PTPRK: variants seen among roughly 807,000 people sequenced by gnomAD.
The protein encoded by PTPRK is protein tyrosine phosphatase receptor type K.
In PTPRK, 75 loss-of-function variants were observed where a neutral mutation model predicts 178.0. The observed-to-expected ratio is 0.42, with a 90% CI of 0.35 to 0.51. The LOEUF (loss-of-function observed/expected upper bound fraction) is 0.51. Ranked by LOEUF, PTPRK falls within the 20% of genes least tolerant of loss-of-function variation. PTPRK has a pLI of 0.02. For synonymous variants in PTPRK, 637 were observed against 620.6 expected (o/e 1.03, Z -0.39); for missense variants, 1,441 against 1,797.8 (o/e 0.80, Z 3.59).
intron 14 of PTPRK, among the ~76,000 whole-genome samples, chr6:128,008,855 C>T (rs1048072417): frequency 7.3e-5 from 11 of 151,040 alleles, no homozygotes; most frequent in African/African-American, 2.7e-4. Flanking sequence ...TAAATGATCT[C>T]AAGTACCTTT....
At chr6:127,993,516 G>A (rs192566856) in intron 18 of PTPRK, among the ~76,000 whole-genome samples, 1 of 151,678 alleles carries the variant, frequency 6.6e-6, no homozygotes, top group Admixed American at 6.6e-5. Flanking sequence ...ATGAGCCTTA[G>A]TAAAAGTCTG....
intron 2 of PTPRK, among the ~76,000 whole-genome samples, chr6:128,329,243 A>G (rs1829961919): frequency 1.3e-5 from 2 of 152,174 alleles, no homozygotes; most frequent in South Asian, 4.1e-4. Context: ...GATGTACTCT[A>G]TAAAATCAGT....
intron 7 of PTPRK, among the ~76,000 whole-genome samples, chr6:128,149,542 A>T (rs1796977549): frequency 6.6e-6 from 1 of 152,172 alleles, no homozygotes; most frequent in Non-Finnish European, 1.5e-5. Flanking sequence ...GTTCTAATCT[A>T]GTAGTCACTG....
intron 7 of PTPRK, among the ~76,000 whole-genome samples, chr6:128,110,689 C>A (rs1179622441): frequency 6.6e-6 from 1 of 151,982 alleles, no homozygotes; most frequent in East Asian, 1.9e-4. Flanking sequence ...ACAGTACTGT[C>A]TGAGCTTGAT....
chr6:128,267,442 G>C (rs1006496151), intron 3 of PTPRK, among the ~76,000 whole-genome samples: 1 of 151,952 alleles, frequency 6.6e-6, no homozygotes, highest in African/African-American at 2.4e-5. Flanking sequence ...TAAAAATAGA[G>C]AATAAAAACA....
chr6:128,051,625 G>A (rs192490108), intron 13 of PTPRK, among the ~76,000 whole-genome samples: 7 of 152,104 alleles, frequency 4.6e-5, no homozygotes, highest in Admixed American at 1.3e-4. Flanking sequence ...CTTTCGATCC[G>A]GTTGCTTCTA....
intron 2 of PTPRK, among the ~76,000 whole-genome samples, chr6:128,358,879 G>A (rs752406007): frequency 1.4e-4 from 21 of 152,222 alleles, no homozygotes; most frequent in Non-Finnish European, 2.8e-4. Context: ...CAGTTAGGAA[G>A]AGCAGCTCCT....
intron 5 of PTPRK, among the ~76,000 whole-genome samples, chr6:128,228,293 CAG>C (rs1244408048): frequency 6.6e-6 from 1 of 151,674 alleles, no homozygotes; most frequent in Non-Finnish European, 1.5e-5. Context: ...AAAGATCAAA[CAG>C]AGAAAACAGA....
intron 7 of PTPRK, among the ~76,000 whole-genome samples, chr6:128,176,712 TC>T (rs1801134376): frequency 6.6e-6 from 1 of 151,724 alleles, no homozygotes; most frequent in African/African-American, 2.4e-5. Flanking sequence ...AGAGTTATCC[TC>T]CAGCAATTAT....
chr6:128,207,051 T>C (rs1807108790), intron 6 of PTPRK, among the ~76,000 whole-genome samples: 1 of 152,152 alleles, frequency 6.6e-6, no homozygotes, highest in Non-Finnish European at 1.5e-5. Flanking sequence ...AACCCTTTGG[T>C]TGCAAATCAG....
intron 2 of PTPRK, among the ~76,000 whole-genome samples, chr6:128,352,263 A>AAG (rs1307342865): frequency 6.6e-6 from 1 of 151,278 alleles, no homozygotes; most frequent in African/African-American, 2.4e-5. Context: ...CAAAAAAAAA[A>AAG]AAAAAAAAGA....
chr6:128,382,205 A>G (rs1416295604), intron 2 of PTPRK, among the ~76,000 whole-genome samples: 5 of 150,754 alleles, frequency 3.3e-5, no homozygotes, highest in African/African-American at 1.2e-4. Context: ...TGTTGAAAGT[A>G]TTATAATGGT....
intron 2 of PTPRK, among the ~76,000 whole-genome samples, chr6:128,340,098 G>C (rs929061594): frequency 2.0e-5 from 3 of 152,168 alleles, no homozygotes; most frequent in Non-Finnish European, 4.4e-5. Flanking sequence ...GAAATCTAAG[G>C]ATCTGATTCT....
intron 7 of PTPRK, among the ~76,000 whole-genome samples, chr6:128,144,437 G>A (rs1009071741): frequency 6.6e-6 from 1 of 152,136 alleles, no homozygotes; most frequent in African/African-American, 2.4e-5. Flanking sequence ...CCCATGGCAG[G>A]TCTAATGCAT....
At chr6:128,516,725 A>G (rs1303752927) in intron 1 of PTPRK, among the ~76,000 whole-genome samples, 1 of 152,166 alleles carries the variant, frequency 6.6e-6, no homozygotes, top group East Asian at 1.9e-4. Context: ...CCAGGCTCCT[A>G]TCATACAAGA....
intron 12 of PTPRK, among the ~76,000 whole-genome samples, chr6:128,065,883 T>C (rs1401708140): frequency 6.6e-6 from 1 of 152,208 alleles, no homozygotes; most frequent in African/African-American, 2.4e-5. Context: ...CAATCTCTAC[T>C]TGTAGAAGTC....
rs1274200758 is a variant in PTPRK at position 128,019,134 on chromosome 6, CAA to C, written c.2195-9868_2195-9867del. Among the ~76,000 whole-genome samples the C allele has an allele frequency of 5.3e-4, 80 of 151,982 alleles. 4 individuals carry two copies. On this transcript the variant is annotated intron_variant, in intron 13 of 29. Coordinates refer to ENST00000368226, the MANE Select transcript of PTPRK (RefSeq NM_002844.4). ...TAAAACATTTCTTAGAATCATTCAACAAAAAAAGTCCAACTCCAGTTTTCAAA... is the reference window on the plus strand; with the variant it reads ...TAAAACATTTCTTAGAATCATTCAACAAAAAGTCCAACTCCAGTTTTCAAA...
rs1212563847 is a variant in PTPRK, at chr6:128,071,113, G to T, written c.1884-3321C>A. 7.4e-4 allele frequency among the ~76,000 whole-genome samples: 91 copies of T among 123,118 alleles called. 1 individual carries two copies. Among genetic ancestry groups the T allele is most frequent in the Non-Finnish European group, 2.6e-4 (13 of 50,654 alleles). The allele number at this position is 123,118 out of a possible 152,430, so 80.8% of individuals were successfully genotyped here. ...GTATCATGCAGGCTCTGAGGATAGAGAGGTTAAAAAAAAAACACCTGCCTT... is the reference window on the plus strand; with the variant it reads ...GTATCATGCAGGCTCTGAGGATAGATAGGTTAAAAAAAAAACACCTGCCTT... On this transcript the variant is annotated intron_variant, in intron 11 of 29. Transcript: ENST00000368226.
chr6:128,167,410 T>C (rs1379116187), intron 7 of PTPRK, among the ~76,000 whole-genome samples: 1 of 151,926 alleles, frequency 6.6e-6, no homozygotes, highest in Non-Finnish European at 1.5e-5. Flanking sequence ...ACAAAAGGAA[T>C]GTATAAAATT....
Sources: allele counts gnomAD v4.1 joint callset (sites outside exome capture counted in the v4.1 genomes callset), GRCh38; gene constraint gnomAD v4.1.1; transcripts MANE v1.5; gene names NCBI Gene and HGNC (gene_info 2026-07-23, HGNC 2026-07-21).